The following EML4 variants were observed in gnomAD, a reference collection of about 807,000 sequenced individuals.
EML4 encodes EMAP like 4.
A neutral mutation model predicts 129.0 loss-of-function variants in EML4; 72 were observed. That is an observed-to-expected ratio of 0.56 (90% confidence interval 0.46 to 0.68). The LOEUF (loss-of-function observed/expected upper bound fraction) is 0.68. Among genes scored for constraint, EML4 ranks in the 30% least tolerant of loss-of-function variants. The pLI is 0.00. For synonymous variants in EML4, 532 were observed against 405.0 expected (o/e 1.31, Z -3.77); for missense variants, 1,363 against 1,190.6 (o/e 1.14, Z -2.13).
At chr2:42,313,832 G>A (rs1032216076) in intron 17 of EML4, among the ~76,000 whole-genome samples, 6 of 151,876 alleles carry the variant, frequency 4.0e-5, no homozygotes, top group Non-Finnish European at 8.8e-5. Flanking sequence ...GGGAGGCTGA[G>A]ACACGAGAAT....
chr2:42,192,468 G>C (rs1671652818), intron 1 of EML4, among the ~76,000 whole-genome samples: 1 of 151,966 alleles, frequency 6.6e-6, no homozygotes, highest in South Asian at 2.1e-4. Flanking sequence ...TTAAACTCCT[G>C]ACCTCAAGTG....
At chr2:42,211,596 T>A (rs965817935) in intron 1 of EML4, among the ~76,000 whole-genome samples, 6 of 152,200 alleles carry the variant, frequency 3.9e-5, no homozygotes, top group Admixed American at 3.9e-4. Flanking sequence ...GACTTGGATG[T>A]TTTAAACCTG....
chr2:42,254,617 GT>G (rs59855376), intron 2 of EML4, among the ~76,000 whole-genome samples: 143,341 of 145,762 alleles, frequency 0.98, 70,479 homozygotes, highest in South Asian at 1. Flanking sequence ...ACCCTCTTGA[GT>G]TTTTTTTTTT....
intron 1 of EML4, among the ~76,000 whole-genome samples, chr2:42,232,494 G>A (rs185234603): frequency 5.5e-4 from 83 of 152,262 alleles, no homozygotes; most frequent in African/African-American, 1.9e-3. Flanking sequence ...CTGCTTTCAA[G>A]CCTCTCACCA....
At chr2:42,213,477 A>G (rs765390023) in intron 1 of EML4, among the ~76,000 whole-genome samples, 6 of 152,346 alleles carry the variant, frequency 3.9e-5, no homozygotes, top group Middle Eastern at 3.4e-3. Context: ...CTAACCATGA[A>G]GAAAAAATAA....
intron 1 of EML4, among the ~76,000 whole-genome samples, chr2:42,207,287 A>G (rs537550943): frequency 6.6e-6 from 1 of 152,282 alleles, no homozygotes; most frequent in African/African-American, 2.4e-5. Context: ...TACACATACA[A>G]CCTCCAAATA....
At chr2:42,262,820 C>T (rs1172056115) in intron 4 of EML4, among the ~76,000 whole-genome samples, 1 of 151,992 alleles carries the variant, frequency 6.6e-6, no homozygotes, top group Non-Finnish European at 1.5e-5. Flanking sequence ...AAAATGGCAG[C>T]CTTATAAAAT....
In EML4 at chr2:42,301,297, T is replaced by C. The variant is rs1291872654; in HGVS notation, c.1546T>C (p.Cys516Arg). The C allele has an allele frequency of 1.9e-6, 3 of 1,613,420 alleles. No individual in the cohort carries two copies. Among genetic ancestry groups the C allele is most frequent in the Non-Finnish European group, 2.5e-6 (3 of 1,179,634 alleles). Residue 516 changes from cysteine to arginine, a missense_variant, in exon 14 of 23, where the codon TGT becomes CGT. Transcript: ENST00000318522. Reference sequence around the variant, plus strand: ...TCATGATGGCAGTGTGTTCACACTTTGTCAGATGAGAAATGGGATGTTATT... The same window carrying C: ...TCATGATGGCAGTGTGTTCACACTTCGTCAGATGAGAAATGGGATGTTATT... ...KAHDGSVFTLCQMRNGMLLTG... is the reference protein window; with the variant it reads ...KAHDGSVFTLRQMRNGMLLTG...
chr2:42,289,481 T>A (rs925893718), intron 11 of EML4: 1 of 152,222 alleles, frequency 6.6e-6, no homozygotes, highest in African/African-American at 2.4e-5. Flanking sequence ...GTTTAACTCA[T>A]ATTTCTAGTT....
intron 1 of EML4, among the ~76,000 whole-genome samples, chr2:42,237,223 C>T (rs1450809726): frequency 6.6e-6 from 1 of 152,160 alleles, no homozygotes; most frequent in African/African-American, 2.4e-5. Flanking sequence ...GCATGAGCTA[C>T]CATGCCCAGT....
At chr2:42,283,740 A>G (rs968470363) in intron 8 of EML4, among the ~76,000 whole-genome samples, 4 of 152,204 alleles carry the variant, frequency 2.6e-5, no homozygotes, top group East Asian at 1.9e-4. Context: ...TGTATGTACA[A>G]AACTATTTAC....
chr2:42,283,305 T>G (rs1210763726), intron 8 of EML4, among the ~76,000 whole-genome samples: 1 of 152,162 alleles, frequency 6.6e-6, no homozygotes, highest in East Asian at 1.9e-4. Flanking sequence ...AAAGTGATTA[T>G]TGGTTACTCG....
At chr2:42,279,675 C>T (rs1433827148) in intron 6 of EML4, among the ~76,000 whole-genome samples, 3 of 151,870 alleles carry the variant, frequency 2.0e-5, no homozygotes, top group South Asian at 2.1e-4. Context: ...GGGGTTTCAC[C>T]GTGTTAGCCA....
At position 42,295,424 on chromosome 2, in the gene EML4, G is replaced by C. The variant is rs1225855026; in HGVS notation, c.1397G>C (p.Gly466Ala). The C allele has an allele frequency of 6.2e-7, 1 of 1,613,936 alleles. No homozygotes were observed. Among genetic ancestry groups the C allele is most frequent in the Non-Finnish European group, 8.5e-7 (1 of 1,179,906 alleles). ...PKFVQCLAFL[G>A]NGDVLTGDSG... Reference sequence around the variant, plus strand: ...TTTGTGCAGTGTTTAGCATTCTTGGGGAATGGAGATGTTCTTACTGGAGAC... The same window carrying C: ...TTTGTGCAGTGTTTAGCATTCTTGGCGAATGGAGATGTTCTTACTGGAGAC... Residue 466 changes from glycine to alanine, a missense_variant, in exon 13 of 23, where the codon GGG becomes GCG. Gly to Ala is a moderately conservative substitution (Grantham distance 60, BLOSUM62 0). Coordinates refer to ENST00000318522, the MANE Select transcript of EML4 (RefSeq NM_019063.5).
At chr2:42,255,145 G>C (rs1676043879) in intron 2 of EML4, among the ~76,000 whole-genome samples, 1 of 151,910 alleles carries the variant, frequency 6.6e-6, no homozygotes, top group African/African-American at 2.4e-5. Flanking sequence ...GAGTGCAGTG[G>C]TGCGATCCCC....
chr2:42,185,519 G>C (rs760276927), intron 1 of EML4, among the ~76,000 whole-genome samples: 4 of 152,140 alleles, frequency 2.6e-5, no homozygotes, highest in Non-Finnish European at 5.9e-5. Context: ...GGTTAAGGTT[G>C]AGCCATGATT....
chr2:42,206,954 T>C (rs1454981180), intron 1 of EML4, among the ~76,000 whole-genome samples: 1 of 152,200 alleles, frequency 6.6e-6, no homozygotes, highest in African/African-American at 2.4e-5. Context: ...AAATACCTTT[T>C]GGTTGGTCAA....
At position 42,242,498 on chromosome 2, in the gene EML4, G is replaced by C. The variant is rs553163102; in HGVS notation, c.26-3007G>C. On this transcript the variant is annotated intron_variant, in intron 1 of 22. Coordinates refer to ENST00000318522, the MANE Select transcript of EML4 (RefSeq NM_019063.5). ...CACCTTTATTTTTGACAGTCCTAGG[G>C]TGACATCCTGGTAGCTGGAGAACCA... Among the ~76,000 whole-genome samples, 65 of 152,172 alleles carry C rather than the reference G, an allele frequency of 4.3e-4. 1 individual carries two copies. Among genetic ancestry groups the C allele is most frequent in the Middle Eastern group, 3.4e-3 (1 of 294 alleles).
At chr2:42,232,934 C>T (rs1674438556) in intron 1 of EML4, among the ~76,000 whole-genome samples, 1 of 152,140 alleles carries the variant, frequency 6.6e-6, no homozygotes, top group Non-Finnish European at 1.5e-5. Context: ...ACCGTGTTAG[C>T]CAGGATGGTC....
Sources: allele counts gnomAD v4.1 joint callset (sites outside exome capture counted in the v4.1 genomes callset), GRCh38; gene constraint gnomAD v4.1.1; transcripts MANE v1.5; gene names NCBI Gene and HGNC (gene_info 2026-07-23, HGNC 2026-07-21).